PDSS2: variants seen among roughly 807,000 people sequenced by gnomAD.
PDSS2 encodes the protein decaprenyl diphosphate synthase subunit 2.
PDSS2 carries 31 observed loss-of-function variants against 44.5 expected under a neutral mutation model. The ratio of observed to expected loss-of-function variants is 0.70; its 90% confidence interval spans 0.52 to 0.94. The LOEUF (loss-of-function observed/expected upper bound fraction) is 0.94. PDSS2 is among the 40% of genes least tolerant of loss of function. PDSS2 has a pLI of 0.00. For synonymous variants in PDSS2, 157 were observed against 180.3 expected (o/e 0.87, Z 1.03); for missense variants, 452 against 482.2 (o/e 0.94, Z 0.59).
chr6:107,311,653 A>G (rs1777050574), intron 2 of PDSS2, among the ~76,000 whole-genome samples: 1 of 152,242 alleles, frequency 6.6e-6, no homozygotes, highest in African/African-American at 2.4e-5. Flanking sequence ...TAATATCAAT[A>G]AAGTATGGTA....
chr6:107,434,842 T>A (rs1388368974), intron 1 of PDSS2, among the ~76,000 whole-genome samples: 1 of 152,250 alleles, frequency 6.6e-6, no homozygotes, highest in Middle Eastern at 3.4e-3. Flanking sequence ...TATGCGTGTA[T>A]CAAAATACCT....
intron 7 of PDSS2, among the ~76,000 whole-genome samples, chr6:107,187,439 C>T (rs932982765): frequency 7.9e-5 from 12 of 152,032 alleles, no homozygotes; most frequent in Admixed American, 7.9e-4. Flanking sequence ...CCGAGGTGGG[C>T]AGATCACCTG....
intron 1 of PDSS2, among the ~76,000 whole-genome samples, chr6:107,422,014 T>C (rs1780840487): frequency 6.7e-6 from 1 of 150,374 alleles, no homozygotes; most frequent in Non-Finnish European, 1.5e-5. Flanking sequence ...TAACTTCCTG[T>C]AAGTCAGTAA....
At chr6:107,241,281 G>C (rs922229340) in intron 4 of PDSS2, among the ~76,000 whole-genome samples, 1 of 144,074 alleles carries the variant, frequency 6.9e-6, no homozygotes, top group Non-Finnish European at 1.5e-5. Flanking sequence ...AGTAATATAA[G>C]TCATGTACAT....
intron 1 of PDSS2, among the ~76,000 whole-genome samples, chr6:107,355,728 T>C (rs978850368): frequency 6.6e-6 from 1 of 152,228 alleles, no homozygotes; most frequent in African/African-American, 2.4e-5. Context: ...TTAACTTTTT[T>C]CAGAGGTACC....
intron 2 of PDSS2, among the ~76,000 whole-genome samples, chr6:107,329,821 A>C (rs1777656020): frequency 6.6e-6 from 1 of 151,934 alleles, no homozygotes. Flanking sequence ...CCTGCTAGGT[A>C]CTTCTATACC....
intron 7 of PDSS2, 26 bp from the exon 8 acceptor site, chr6:107,154,803 A>C (rs782478208): frequency 6.2e-7 from 1 of 1,612,434 alleles, no homozygotes; most frequent in South Asian, 1.1e-5. Flanking sequence ...TGCATGATAA[A>C]AGTCAGTTTT....
intron 3 of PDSS2, among the ~76,000 whole-genome samples, chr6:107,250,180 A>AC (rs56145618): frequency 0.094 from 13,448 of 142,646 alleles, 1,442 homozygotes; most frequent in African/African-American, 0.27. Flanking sequence ...AAAAATACTG[A>AC]CCCCCCCCCG....
chr6:107,211,392 C>T (rs2114629862), intron 5 of PDSS2, among the ~76,000 whole-genome samples: 1 of 152,190 alleles, frequency 6.6e-6, no homozygotes, highest in Non-Finnish European at 1.5e-5. Context: ...ATTTTATTCA[C>T]TATATTTCTG....
intron 1 of PDSS2, among the ~76,000 whole-genome samples, chr6:107,349,794 T>C (rs1224811454): frequency 1.3e-5 from 2 of 152,068 alleles, no homozygotes; most frequent in Non-Finnish European, 2.9e-5. Flanking sequence ...ATTCCCCTAA[T>C]AACCACAATA....
chr6:107,334,304 G>A lies in PDSS2; in HGVS notation c.325C>T (p.Leu109Phe), dbSNP rs996847352. Residue 109 changes from leucine to phenylalanine, a missense_variant, in exon 2 of 8, where the codon CTC becomes TTC. Physicochemically the swap from Leu to Phe is conservative, Grantham distance 22. Coordinates refer to ENST00000369037, the MANE Select transcript of PDSS2 (RefSeq NM_020381.4). ...AGCACCACCAAGCCCCTCAACTGGAGGCTATTCCAGCTGTCATGTACAAGC... is the reference window on the plus strand; with the variant it reads ...AGCACCACCAAGCCCCTCAACTGGAAGCTATTCCAGCTGTCATGTACAAGC... ...RGLVHDSWNS[L>F]QLRGLVVLLI... 2 of 1,613,490 alleles carry A rather than the reference G, an allele frequency of 1.2e-6. No homozygotes were observed. Among genetic ancestry groups the A allele is most frequent in the African/African-American group, 1.3e-5 (1 of 74,958 alleles).
Position 107,459,020 on chromosome 6 carries a change from C to G in PDSS2, c.266G>C (p.Gly89Ala). 1 of 1,614,030 alleles carries G rather than the reference C, an allele frequency of 6.2e-7. No individual in the cohort carries two copies. The highest frequency in any genetic ancestry group is 8.5e-7 in the Non-Finnish European group (1 of 1,179,948). The part of the protein sequence containing the change: ...NIAMQVRKLV[G>A]TQHPLLTTAR... ...TGTGGTAAGCAGAGGGTGCTGAGTG[C>G]CCACCAGCTTCCGCACCTGCATAGC... Residue 89 changes from glycine to alanine, a missense_variant, in exon 1 of 8, where the codon GGC becomes GCC. Transcript: ENST00000369037. This position sits in a 1 kb window ranked among gnomAD's most constrained non-coding sequence, Gnocchi z 4.3.
chr6:107,369,308 C>T (rs1168800981), intron 1 of PDSS2, among the ~76,000 whole-genome samples: 5 of 152,112 alleles, frequency 3.3e-5, no homozygotes, highest in Admixed American at 2.0e-4. Flanking sequence ...ATCCCAGCTA[C>T]TCAGGAGGCT....
chr6:107,272,958 T>C (rs535181543), intron 3 of PDSS2, among the ~76,000 whole-genome samples: 1 of 152,246 alleles, frequency 6.6e-6, no homozygotes, highest in African/African-American at 2.4e-5. Context: ...TTTTTATTTT[T>C]GAGATGGAGT....
intron 1 of PDSS2, among the ~76,000 whole-genome samples, chr6:107,349,676 G>A (rs1254175426): frequency 7.2e-5 from 11 of 152,042 alleles, no homozygotes; most frequent in African/African-American, 2.7e-4. Flanking sequence ...TTGAACCCGG[G>A]AGGAGGAGGT....
In PDSS2 at chr6:107,154,384, A is replaced by G; in HGVS notation, c.*235T>C. The G allele has an allele frequency of 2.1e-6, 1 of 486,938 alleles. No individual in the cohort carries two copies. Among genetic ancestry groups the G allele is most frequent in the Non-Finnish European group, 3.7e-6 (1 of 267,858 alleles). The allele number at this position is 486,938 out of a possible 1,614,324, so 30.2% of individuals were successfully genotyped here. On this transcript the variant is annotated 3_prime_UTR_variant, in exon 8 of 8. Coordinates refer to ENST00000369037, the MANE Select transcript of PDSS2 (RefSeq NM_020381.4). ...GCGAATCTCATTAATTATTTCTGCGACTGCAGCCTCAAGTGTGCTTCTGGC... is the reference window on the plus strand; with the variant it reads ...GCGAATCTCATTAATTATTTCTGCGGCTGCAGCCTCAAGTGTGCTTCTGGC...
chr6:107,174,539 T>C (rs1771719130), intron 7 of PDSS2, among the ~76,000 whole-genome samples: 1 of 152,194 alleles, frequency 6.6e-6, no homozygotes, highest in African/African-American at 2.4e-5. Flanking sequence ...TTCTAGCTGA[T>C]AGTGCTTAAC....
intron 6 of PDSS2, chr6:107,198,046 A>G (rs192312532): frequency 5.6e-4 from 218 of 392,536 alleles, no homozygotes; most frequent in Non-Finnish European, 9.8e-4. Flanking sequence ...TGATAAGGAC[A>G]TCTAGAATAG....
At chr6:107,196,094 T>TA (rs1772553953) in intron 6 of PDSS2, among the ~76,000 whole-genome samples, 2 of 152,226 alleles carry the variant, frequency 1.3e-5, no homozygotes, top group Non-Finnish European at 2.9e-5. Flanking sequence ...TGAGATGCAT[T>TA]GTACCAACAG....
Sources: allele counts gnomAD v4.1 joint callset (sites outside exome capture counted in the v4.1 genomes callset), GRCh38; gene constraint gnomAD v4.1.1; non-coding constraint Gnocchi (gnomAD v3.1); transcripts MANE v1.5; gene names NCBI Gene and HGNC (gene_info 2026-07-23, HGNC 2026-07-21).